Variants in STYXL1 observed in about 807,000 individuals in gnomAD.
The protein encoded by STYXL1 is serine/threonine/tyrosine interacting like 1, also known as serine/threonine/tyrosine-interacting-like protein 1.
A neutral mutation model predicts 36.4 loss-of-function variants in STYXL1; 32 were observed. The observed-to-expected ratio is 0.88, with a 90% CI of 0.66 to 1.18. The LOEUF is 1.18. STYXL1 is among the 50% of genes most tolerant of loss of function. The probability of loss-of-function intolerance (pLI) is 0.00; values close to 1 mark genes in which losing one functional copy is unlikely to be tolerated. For synonymous variants in STYXL1, 133 were observed against 144.1 expected (o/e 0.92, Z 0.55); for missense variants, 354 against 394.1 (o/e 0.90, Z 0.86).
At chr7:76,046,327 TGTGTGTGTGTGTGCGCGCGCGC>T (rs1313301351) in intron 1 of STYXL1, among the ~76,000 whole-genome samples, 1,992 of 13,650 alleles carry the variant, frequency 0.15, 56 homozygotes, top group South Asian at 0.18. Flanking sequence ...TGTGTGTGTG[TGTGTGTGTGTGTGCGCGCGCGC>T]GCGCGCGCGC....
chr7:76,029,974 G>T (rs1447557235), intron 2 of STYXL1, among the ~76,000 whole-genome samples: 2 of 151,946 alleles, frequency 1.3e-5, no homozygotes, highest in Non-Finnish European at 2.9e-5. Flanking sequence ...GGTACTGGGG[G>T]TTGGGGGTTG....
chr7:76,009,556 A>G (rs1022272555), intron 5 of STYXL1, among the ~76,000 whole-genome samples: 1 of 152,086 alleles, frequency 6.6e-6, no homozygotes, highest in East Asian at 1.9e-4. Flanking sequence ...GATTACAGGC[A>G]TGTGCCACCA....
At chr7:76,007,466 C>T (rs1010127849) in intron 5 of STYXL1, among the ~76,000 whole-genome samples, 7 of 152,096 alleles carry the variant, frequency 4.6e-5, no homozygotes, top group African/African-American at 1.7e-4. Context: ...AGGTTAGACG[C>T]AAATACTACA....
chr7:76,029,688 C>T (rs545923481), intron 2 of STYXL1, among the ~76,000 whole-genome samples: 2 of 147,654 alleles, frequency 1.4e-5, no homozygotes, highest in Non-Finnish European at 1.5e-5. Flanking sequence ...TGTGACTAGA[C>T]GGTCCCTTCT....
intron 3 of STYXL1, among the ~76,000 whole-genome samples, chr7:76,025,320 TAAAA>T (rs113891143): frequency 6.9e-6 from 1 of 144,782 alleles, no homozygotes; most frequent in Non-Finnish European, 1.5e-5. Flanking sequence ...AAATAAAAAT[TAAAA>T]AAAAAAAGCT....
intron 1 of STYXL1, among the ~76,000 whole-genome samples, chr7:76,046,881 C>T (rs1042131773): frequency 6.6e-6 from 1 of 151,216 alleles, no homozygotes; most frequent in African/African-American, 2.4e-5. Context: ...GAACTCCTGG[C>T]CTCAAGTGAT....
chr7:76,024,987 T>C (rs1166224337), intron 3 of STYXL1, among the ~76,000 whole-genome samples: 2 of 146,630 alleles, frequency 1.4e-5, no homozygotes, highest in African/African-American at 2.5e-5. Flanking sequence ...GTACGACATA[T>C]TCTGTTTTCA....
At chr7:75,996,700 C>T in intron 8 of STYXL1, 101 bp from the exon 9 acceptor site, 1 of 1,137,880 alleles carries the variant, frequency 8.8e-7, no homozygotes. Context: ...TTGCACAGTG[C>T]CAGCAACACG....
intron 5 of STYXL1, among the ~76,000 whole-genome samples, chr7:76,006,184 A>G (rs1489713728): frequency 7.9e-5 from 12 of 151,938 alleles, no homozygotes; most frequent in African/African-American, 2.7e-4. Context: ...TGCTTCTCCT[A>G]CCTCAGCCTC....
chr7:75,998,985 A>G (rs1370347353), intron 8 of STYXL1: 7 of 152,626 alleles, frequency 4.6e-5, no homozygotes, highest in Admixed American at 1.3e-4. Context: ...GCCTACATAT[A>G]TTAAAGAAAT....
At chr7:76,038,844 T>A (rs1370485949) in intron 1 of STYXL1, among the ~76,000 whole-genome samples, 1 of 149,344 alleles carries the variant, frequency 6.7e-6, no homozygotes, top group African/African-American at 2.6e-5. Context: ...TGGAGTGCAG[T>A]GGCGCGATCG....
chr7:76,024,026 C>A (rs1794383104), intron 3 of STYXL1, among the ~76,000 whole-genome samples: 1 of 151,980 alleles, frequency 6.6e-6, no homozygotes. Context: ...AACAAGAACA[C>A]CACCACCACT....
intron 1 of STYXL1, among the ~76,000 whole-genome samples, chr7:76,046,716 G>C (rs1797150894): frequency 7.4e-6 from 1 of 135,374 alleles, no homozygotes; most frequent in South Asian, 2.4e-4. Flanking sequence ...GGGTTATCTC[G>C]GCTCACTGCA....
intron 3 of STYXL1, among the ~76,000 whole-genome samples, chr7:76,022,973 C>A (rs151253546): frequency 1.3e-5 from 2 of 152,106 alleles, no homozygotes; most frequent in Non-Finnish European, 2.9e-5. Context: ...AACAAACAAA[C>A]AAAAAACCTC....
At chr7:76,008,293 G>A (rs1180942486) in intron 5 of STYXL1, among the ~76,000 whole-genome samples, 1 of 150,140 alleles carries the variant, frequency 6.7e-6, no homozygotes, top group Non-Finnish European at 1.5e-5. Flanking sequence ...TTTCCATGAG[G>A]CTCTGATTAG....
intron 1 of STYXL1, among the ~76,000 whole-genome samples, chr7:76,033,215 G>C (rs1342982782): frequency 6.6e-6 from 1 of 152,150 alleles, no homozygotes; most frequent in Non-Finnish European, 1.5e-5. Flanking sequence ...GTGTGATCAT[G>C]GCTGACTGCG....
chr7:76,026,917 C>T (rs1554577893), intron 3 of STYXL1, among the ~76,000 whole-genome samples: 1 of 152,106 alleles, frequency 6.6e-6, no homozygotes, highest in Non-Finnish European at 1.5e-5. Context: ...AAAAATTAGC[C>T]AGGTGTGGTG....
chr7:76,043,744 C>T (rs1796704450), intron 1 of STYXL1, among the ~76,000 whole-genome samples: 1 of 152,164 alleles, frequency 6.6e-6, no homozygotes, highest in Admixed American at 6.5e-5. Flanking sequence ...CCTCAGAAGC[C>T]ATAGTTGGCC....
intron 1 of STYXL1, among the ~76,000 whole-genome samples, chr7:76,042,390 C>CTTGTTT (rs1796553917): frequency 2.4e-5 from 1 of 41,816 alleles, no homozygotes. Flanking sequence ...CCCTTATGTG[C>CTTGTTT]TTTTTTTTTT....
Sources: gnomAD v4.1 joint callset for allele counts (sites outside exome capture counted in the v4.1 genomes callset) on GRCh38, gnomAD v4.1.1 for gene constraint, MANE v1.5 for transcripts, NCBI Gene and HGNC (gene_info 2026-07-23, HGNC 2026-07-21) for gene names.